SLC49A4: variants seen among roughly 807,000 people sequenced by gnomAD.
SLC49A4 encodes the protein solute carrier family 49 member 4.
A neutral mutation model predicts 50.6 loss-of-function variants in SLC49A4; 36 were observed. That is an observed-to-expected ratio of 0.71 (90% CI 0.55 to 0.94). SLC49A4 has a LOEUF of 0.94. Ranked by LOEUF, SLC49A4 falls within the 40% of genes least tolerant of loss-of-function variation. The pLI is 0.00. For missense variants in SLC49A4, 503 were observed against 605.7 expected, an observed-to-expected ratio of 0.83 and a Z score of 1.78; for synonymous variants, 248 against 241.2, an observed-to-expected ratio of 1.03 and a Z score of -0.26.
chr3:122,837,790 G>A lies in SLC49A4; in HGVS notation c.833+4344G>A, dbSNP rs1038373815. Reference sequence around the variant, plus strand: ...TGAACAGGCAACCTACAGAATGGGAGAAAATTTTCACAACCTACTTATCTG... The same window carrying A: ...TGAACAGGCAACCTACAGAATGGGAAAAAATTTTCACAACCTACTTATCTG... On this transcript the variant is annotated intron_variant, in intron 4 of 8. Transcript: ENST00000261038. Among the ~76,000 whole-genome samples the A allele has an allele frequency of 2.2e-3, 332 of 151,896 alleles. 6 individuals are homozygous for A. The South Asian group carries it at 0.023, about 11-fold the overall frequency.
chr3:122,826,887 T>TGCAGATGAAAGGGCCACAGCCACA lies in SLC49A4; in HGVS notation c.528_551dup (p.Asp177_Ala184dup). ...CATTTCTCTCTACGACGTGGTTTTCTGCAGATGAAAGGGCCACAGCCACAG... is the reference window on the plus strand; with the variant it reads ...CATTTCTCTCTACGACGTGGTTTTCTGCAGATGAAAGGGCCACAGCCACAGCAGATGAAAGGGCCACAGCCACAG... On this transcript the variant is annotated inframe_insertion, in exon 3 of 9. Transcript: ENST00000261038. 6.2e-7 allele frequency: 1 copy of TGCAGATGAAAGGGCCACAGCCACA among 1,614,238 alleles called. No homozygotes were observed. Among genetic ancestry groups the TGCAGATGAAAGGGCCACAGCCACA allele is most frequent in the Non-Finnish European group, 8.5e-7 (1 of 1,180,030 alleles).
intron 2 of SLC49A4, among the ~76,000 whole-genome samples, 170 bp from the exon 3 acceptor site, chr3:122,826,630 C>T (rs534919751): frequency 6.6e-6 from 1 of 152,272 alleles, no homozygotes; most frequent in East Asian, 1.9e-4. Flanking sequence ...CATAGGGAGT[C>T]AACATACCTG....
rs563231307 is a variant in SLC49A4 at position 122,862,353 on chromosome 3, A to G, written c.1138+2151A>G. 2.2e-3 allele frequency among the ~76,000 whole-genome samples: 328 copies of G among 152,312 alleles called. 2 individuals are homozygous for G. The highest frequency in any genetic ancestry group is 7.2e-3 in the African/African-American group (298 of 41,560). On this transcript the variant is annotated intron_variant, in intron 7 of 8. Transcript: ENST00000261038. ...GAAGGCCTGGAAATCCCTGTTCTAC[A>G]CCATCCTGCCAACAGTCCCTCTTCT... is the stretch of plus-strand genomic sequence containing the variant.
At chr3:122,833,972 A>G (rs900916899) in intron 4 of SLC49A4, among the ~76,000 whole-genome samples, 1 of 152,178 alleles carries the variant, frequency 6.6e-6, no homozygotes, top group Non-Finnish European at 1.5e-5. Flanking sequence ...ATATTATTTA[A>G]TTTTATTGGT....
chr3:122,859,643 C>T (rs1347718022), intron 6 of SLC49A4, among the ~76,000 whole-genome samples: 8 of 152,010 alleles, frequency 5.3e-5, no homozygotes, highest in African/African-American at 1.9e-4. Flanking sequence ...CCCAGGAGTT[C>T]AAGACCAGTC....
intron 2 of SLC49A4, among the ~76,000 whole-genome samples, chr3:122,821,306 C>T (rs1452843886): frequency 6.6e-6 from 1 of 152,054 alleles, no homozygotes; most frequent in Non-Finnish European, 1.5e-5. Flanking sequence ...TGGGATGAGC[C>T]AGGCTTCAGA....
At chr3:122,859,112 G>A (rs4377440) in intron 6 of SLC49A4, among the ~76,000 whole-genome samples, 7,654 of 152,284 alleles carry the variant, frequency 0.05, 262 homozygotes, top group Middle Eastern at 0.11. Flanking sequence ...AAAATAGAAA[G>A]TGGAGGTGGG....
chr3:122,866,483 A>G (rs1161816600), intron 7 of SLC49A4, among the ~76,000 whole-genome samples: 1 of 152,184 alleles, frequency 6.6e-6, no homozygotes, highest in Admixed American at 6.6e-5. Context: ...CATACCAGGT[A>G]TATGTTCACC....
intron 2 of SLC49A4, among the ~76,000 whole-genome samples, chr3:122,810,042 A>G (rs1434836504): frequency 6.6e-6 from 1 of 152,188 alleles, no homozygotes. Flanking sequence ...GTTCCAGGGA[A>G]GGCCAGTGTT....
chr3:122,807,004 A>G (rs1936228146), intron 2 of SLC49A4, 54 bp downstream of exon 2: 2 of 1,086,172 alleles, frequency 1.8e-6, no homozygotes, highest in Non-Finnish European at 2.8e-6. Context: ...TATGTGTATA[A>G]ATTTTTAAGA....
intron 5 of SLC49A4, among the ~76,000 whole-genome samples, chr3:122,846,238 CT>C (rs1936847661): frequency 6.6e-6 from 1 of 152,136 alleles, no homozygotes; most frequent in Non-Finnish European, 1.5e-5. Context: ...GACTTTCTCT[CT>C]GGGCTCCAAA....
chr3:122,861,884 C>T (rs1205675773), intron 7 of SLC49A4, among the ~76,000 whole-genome samples: 1 of 152,242 alleles, frequency 6.6e-6, no homozygotes, highest in East Asian at 1.9e-4. Flanking sequence ...ACTGGTTGAA[C>T]CTCTAGTTCA....
At chr3:122,851,940 C>G (rs1936931717) in intron 5 of SLC49A4, among the ~76,000 whole-genome samples, 1 of 150,706 alleles carries the variant, frequency 6.6e-6, no homozygotes, top group Non-Finnish European at 1.5e-5. Flanking sequence ...GTCAAATATG[C>G]TATTAAATTC....
intron 3 of SLC49A4, among the ~76,000 whole-genome samples, chr3:122,827,520 C>T (rs76765046): frequency 1.1e-3 from 173 of 152,268 alleles, no homozygotes; most frequent in Non-Finnish European, 1.5e-3. Context: ...ACAGTTTATC[C>T]TCATTTCCTA....
intron 2 of SLC49A4, among the ~76,000 whole-genome samples, chr3:122,824,730 CTTTTTTTTT>C (rs71621693): frequency 2.4e-5 from 2 of 82,918 alleles, no homozygotes; most frequent in African/African-American, 4.5e-5. Flanking sequence ...TTTTTTCCTT[CTTTTTTTTT>C]TTTTTTTTTT....
At chr3:122,837,988 CA>C (rs1473343116) in intron 4 of SLC49A4, among the ~76,000 whole-genome samples, 3 of 151,972 alleles carry the variant, frequency 2.0e-5, no homozygotes, top group African/African-American at 7.3e-5. Context: ...CAGAGAAATG[CA>C]AATCAAAACC....
At chr3:122,869,408 G>T (rs1299248086) in intron 7 of SLC49A4, among the ~76,000 whole-genome samples, 2 of 152,062 alleles carry the variant, frequency 1.3e-5, no homozygotes, top group African/African-American at 4.8e-5. Flanking sequence ...ACATACAGAG[G>T]TGCCTCATTT....
intron 2 of SLC49A4, among the ~76,000 whole-genome samples, chr3:122,819,620 G>A (rs1256656512): frequency 6.6e-6 from 1 of 152,086 alleles, no homozygotes; most frequent in Non-Finnish European, 1.5e-5. Context: ...GAAAACTGAG[G>A]CTGTGATACC....
At chr3:122,870,213 G>A (rs1937179653) in intron 7 of SLC49A4, among the ~76,000 whole-genome samples, 1 of 152,052 alleles carries the variant, frequency 6.6e-6, no homozygotes, top group Admixed American at 6.5e-5. Context: ...CTCAGAAGTA[G>A]TACTTGCTGG....
Sources: gnomAD v4.1 joint callset for allele counts (sites outside exome capture counted in the v4.1 genomes callset) on GRCh38, gnomAD v4.1.1 for gene constraint, MANE v1.5 for transcripts, NCBI Gene and HGNC (gene_info 2026-07-23, HGNC 2026-07-21) for gene names.